MIPOL1: variants seen among roughly 807,000 people sequenced by gnomAD.
The protein encoded by MIPOL1 is mirror-image polydactyly 1, also known as mirror-image polydactyly gene 1 protein.
A neutral mutation model predicts 60.9 loss-of-function variants in MIPOL1; 57 were observed. The observed-to-expected ratio is 0.94, with a 90% CI of 0.76 to 1.17. The LOEUF (loss-of-function observed/expected upper bound fraction) is 1.17. Among genes scored for constraint, MIPOL1 ranks in the 50% most tolerant of loss-of-function variants. The probability of loss-of-function intolerance (pLI) is 0.00; values close to 1 mark genes in which losing one functional copy is unlikely to be tolerated. For missense variants in MIPOL1, 551 were observed against 511.6 expected, an observed-to-expected ratio of 1.08 and a Z score of -0.74; for synonymous variants, 179 against 168.8, an observed-to-expected ratio of 1.06 and a Z score of -0.47.
chr14:37,513,796 A>AT (rs771050856), intron 12 of MIPOL1, among the ~76,000 whole-genome samples: 4 of 152,300 alleles, frequency 2.6e-5, no homozygotes, highest in Admixed American at 1.3e-4. Flanking sequence ...TCTTCCAGTG[A>AT]TTAGAACTAG....
At chr14:37,450,417 CA>C (rs1240440942) in intron 11 of MIPOL1, among the ~76,000 whole-genome samples, 2 of 152,120 alleles carry the variant, frequency 1.3e-5, no homozygotes, top group African/African-American at 4.8e-5. Context: ...TACATCCTTT[CA>C]AAACTTTTAA....
chr14:37,285,305 T>C lies in MIPOL1; in HGVS notation c.494-13T>C, dbSNP rs757158595. 4.3e-6 allele frequency: 7 copies of C among 1,613,796 alleles called. No homozygotes were observed. Among genetic ancestry groups the C allele is most frequent in the Non-Finnish European group, 5.9e-6 (7 of 1,179,892 alleles). On this transcript the variant is annotated splice_polypyrimidine_tract_variant and intron_variant, in intron 6 of 12. Transcript: ENST00000684589. ...TTTGTATGATTGATTGTGCGCTTTA[T>C]ATATTTTGGTAGCTCTGGTTGAAGA...
chr14:37,381,382 G>A (rs1468754723), intron 10 of MIPOL1, among the ~76,000 whole-genome samples: 2 of 151,914 alleles, frequency 1.3e-5, no homozygotes, highest in Non-Finnish European at 2.9e-5. Context: ...GTATTACAAT[G>A]GCCAAAAGGG....
chr14:37,245,891 T>G (rs1397821631), intron 1 of MIPOL1, among the ~76,000 whole-genome samples: 1 of 152,130 alleles, frequency 6.6e-6, no homozygotes, highest in Admixed American at 6.6e-5. Flanking sequence ...AAGGACCACT[T>G]GAGTAGTTAG....
At chr14:37,208,906 T>G (rs1704561276) in intron 1 of MIPOL1, among the ~76,000 whole-genome samples, 2 of 152,228 alleles carry the variant, frequency 1.3e-5, no homozygotes. Flanking sequence ...ACTCTACTTC[T>G]GGCGTTATCA....
At chr14:37,546,817 G>A in intron 12 of MIPOL1, 88 bp from the exon 13 acceptor site, 1 of 1,041,464 alleles carries the variant, frequency 9.6e-7, no homozygotes, top group Non-Finnish European at 1.5e-6. Context: ...TTGGTCACAG[G>A]CAAATACTGT....
At chr14:37,448,813 G>A (rs1181686937) in intron 11 of MIPOL1, among the ~76,000 whole-genome samples, 2 of 152,190 alleles carry the variant, frequency 1.3e-5, no homozygotes, top group East Asian at 1.9e-4. Context: ...CTCAAATTTC[G>A]AAATCAGTAC....
chr14:37,216,964 A>G (rs1014646001), intron 1 of MIPOL1, among the ~76,000 whole-genome samples: 4 of 152,168 alleles, frequency 2.6e-5, no homozygotes, highest in Non-Finnish European at 1.5e-5. Context: ...AATAAAAAAT[A>G]CAAACAACCA....
intron 9 of MIPOL1, among the ~76,000 whole-genome samples, chr14:37,347,332 A>G (rs1483448755): frequency 6.6e-6 from 1 of 152,184 alleles, no homozygotes; most frequent in Non-Finnish European, 1.5e-5. Flanking sequence ...AAGAAGAAAG[A>G]AATGAAAACT....
intron 12 of MIPOL1, among the ~76,000 whole-genome samples, chr14:37,539,284 C>CT (rs2095520342): frequency 6.6e-6 from 1 of 152,132 alleles, no homozygotes; most frequent in Non-Finnish European, 1.5e-5. Flanking sequence ...TTGTTTTAAG[C>CT]TACTGACTTT....
intron 9 of MIPOL1, among the ~76,000 whole-genome samples, chr14:37,368,141 T>C (rs1442656465): frequency 6.6e-6 from 1 of 152,112 alleles, no homozygotes; most frequent in Non-Finnish European, 1.5e-5. Context: ...GAATTTAGTT[T>C]CAACAAAACT....
intron 1 of MIPOL1, among the ~76,000 whole-genome samples, chr14:37,223,718 C>G (rs1359873744): frequency 6.6e-6 from 1 of 152,152 alleles, no homozygotes; most frequent in Non-Finnish European, 1.5e-5. Context: ...CCAGGCTGGT[C>G]TTGAACTCCT....
chr14:37,506,048 T>A lies in MIPOL1; in HGVS notation c.1262+5910T>A, dbSNP rs542955472. On this transcript the variant is annotated intron_variant, in intron 12 of 12. Transcript: ENST00000684589. The stretch of plus-strand genomic sequence containing the variant: ...ACCTGTGAATCCAACTTACAAGGGA[T>A]GTGAAGGACCCCTTCAAAGAGAGCT... 5 of 152,280 alleles carry A rather than the reference T, an allele frequency of 3.3e-5. 1 individual carries two copies. The highest frequency in any genetic ancestry group is 6.5e-5 in the Admixed American group (1 of 15,298). The allele number at this position is 152,280 out of a possible 1,614,324, so 9.4% of individuals were successfully genotyped here. A position where few individuals can be genotyped will look rare whatever the true frequency, so the allele number is the denominator to read the frequency against.
At chr14:37,337,356 ATTTTTTTTT>A (rs33972471) in intron 9 of MIPOL1, among the ~76,000 whole-genome samples, 27 of 30,012 alleles carry the variant, frequency 9.0e-4, no homozygotes, top group South Asian at 2.0e-3. Context: ...ATATATATAT[ATTTTTTTTT>A]TTTTTTTTTT....
chr14:37,243,937 G>A (rs1368482177), intron 1 of MIPOL1, among the ~76,000 whole-genome samples: 2 of 152,004 alleles, frequency 1.3e-5, no homozygotes, highest in Non-Finnish European at 2.9e-5. Flanking sequence ...ACATTTGAGA[G>A]CATAGGGATA....
chr14:37,359,678 G>A (rs1474861679), intron 9 of MIPOL1, among the ~76,000 whole-genome samples: 1 of 152,138 alleles, frequency 6.6e-6, no homozygotes, highest in Non-Finnish European at 1.5e-5. Context: ...CATTGATTTT[G>A]TATCCTGAGA....
intron 3 of MIPOL1, among the ~76,000 whole-genome samples, chr14:37,251,049 C>T (rs2153363027): frequency 6.6e-6 from 1 of 151,734 alleles, no homozygotes; most frequent in East Asian, 1.9e-4. Context: ...CAAAATAAAC[C>T]CAAGTTTTTT....
intron 12 of MIPOL1, among the ~76,000 whole-genome samples, chr14:37,535,724 T>C (rs1371963526): frequency 1.3e-5 from 2 of 152,226 alleles, no homozygotes; most frequent in African/African-American, 4.8e-5. Flanking sequence ...AACAAGTGTT[T>C]AGAAGGTGCT....
intron 9 of MIPOL1, among the ~76,000 whole-genome samples, chr14:37,330,370 A>G (rs2153453547): frequency 6.6e-6 from 1 of 152,222 alleles, no homozygotes; most frequent in East Asian, 1.9e-4. Flanking sequence ...GTCTCCAAAG[A>G]GGTTTTAGTT....
Sources: gnomAD v4.1 joint callset for allele counts (sites outside exome capture counted in the v4.1 genomes callset) on GRCh38, gnomAD v4.1.1 for gene constraint, MANE v1.5 for transcripts, NCBI Gene and HGNC (gene_info 2026-07-23, HGNC 2026-07-21) for gene names.